Variants in MYPN observed in about 807,000 individuals in gnomAD.
MYPN encodes myopalladin, also known as sarcomeric protein myopalladin, 145 kDa (MYOP).
A neutral mutation model predicts 129.4 loss-of-function variants in MYPN; 63 were observed. That is an observed-to-expected ratio of 0.49 (90% CI 0.40 to 0.60). The LOEUF is 0.60. MYPN is among the 20% of genes least tolerant of loss of function. The probability of loss-of-function intolerance (pLI) is 0.00; values close to 1 mark genes in which losing one functional copy is unlikely to be tolerated. For synonymous variants in MYPN, 629 were observed against 600.9 expected (o/e 1.05, Z -0.68); for missense variants, 1,596 against 1,635.4 (o/e 0.98, Z 0.42).
At chr10:68,200,804 C>G (rs1412920391) in intron 17 of MYPN, among the ~76,000 whole-genome samples, 1 of 151,998 alleles carries the variant, frequency 6.6e-6, no homozygotes, top group Non-Finnish European at 1.5e-5. Flanking sequence ...GCATGCTAAT[C>G]CTCTCTCTAG....
intron 4 of MYPN, among the ~76,000 whole-genome samples, chr10:68,146,878 T>C (rs2042675238): frequency 6.6e-6 from 1 of 152,230 alleles, no homozygotes; most frequent in African/African-American, 2.4e-5. Flanking sequence ...GGAGCAATCA[T>C]GTAAAGAAAT....
chr10:68,161,674 A>T lies in MYPN; in HGVS notation c.1460-55A>T, dbSNP rs891409470. On this transcript the variant is annotated intron_variant, in intron 7 of 19. Transcript: ENST00000358913. Reference sequence around the variant, plus strand: ...ATTCTATAGGAAGCTTCTGATGAACATGTAGTTTCTCAGTAAAATAAATGC... The same window carrying T: ...ATTCTATAGGAAGCTTCTGATGAACTTGTAGTTTCTCAGTAAAATAAATGC... 8 of 1,423,606 alleles carry T rather than the reference A, an allele frequency of 5.6e-6. No homozygotes were observed. In the African/African-American group the frequency reaches 1.1e-4, roughly 20 times the overall value. The allele number at this position is 1,423,606 out of a possible 1,614,324, so 88.2% of individuals were successfully genotyped here. A position where few individuals can be genotyped will look rare whatever the true frequency, so the allele number is the denominator to read the frequency against.
At chr10:68,179,124 T>A (rs1391241702) in intron 12 of MYPN, among the ~76,000 whole-genome samples, 1 of 152,204 alleles carries the variant, frequency 6.6e-6, no homozygotes, top group Non-Finnish European at 1.5e-5. Flanking sequence ...TTCTGTCAGT[T>A]CTTCTATTTA....
intron 1 of MYPN, among the ~76,000 whole-genome samples, chr10:68,100,283 G>C (rs776352556): frequency 7.2e-5 from 11 of 152,176 alleles, no homozygotes; most frequent in Non-Finnish European, 1.3e-4. Flanking sequence ...CACTCAGGGA[G>C]CTAAATAATT....
At chr10:68,157,833 A>C (rs2634706) in intron 6 of MYPN, among the ~76,000 whole-genome samples, 96,992 of 148,782 alleles carry the variant, frequency 0.65, 32,263 homozygotes, top group Non-Finnish European at 0.7. Flanking sequence ...GAGAGTGAGA[A>C]CCTGTCTCAG....
chr10:68,168,948 C>T (rs566654013), intron 10 of MYPN, among the ~76,000 whole-genome samples: 8 of 137,946 alleles, frequency 5.8e-5, no homozygotes, highest in African/African-American at 1.4e-4. Context: ...ACCAAGATCG[C>T]GCCACTGCAC....
chr10:68,148,451 T>C lies in MYPN; in HGVS notation c.1229T>C (p.Val410Ala), dbSNP rs199476406. 54 of 1,614,008 alleles carry C rather than the reference T, an allele frequency of 3.3e-5. 2 individuals carry two copies. In the Admixed American group the frequency reaches 8.7e-4, roughly 26 times the overall value. Residue 410 changes from valine to alanine, a missense_variant, in exon 5 of 20, where the codon GTG (valine) becomes GCG (alanine). Transcript: ENST00000358913. ...QAQHLVAQPR[V>A]ATIQQCQSPT... ...CAGCATTTGGTGGCCCAACCTCGTGTGGCAACCATCCAGCAGGTACAAGAA... is the reference window on the plus strand; with the variant it reads ...CAGCATTTGGTGGCCCAACCTCGTGCGGCAACCATCCAGCAGGTACAAGAA...
chr10:68,121,521 G>C lies in MYPN; in HGVS notation c.83G>C (p.Gly28Ala). 10 of 1,614,174 alleles carry C rather than the reference G, an allele frequency of 6.2e-6. No homozygotes were observed. Among genetic ancestry groups the C allele is most frequent in the Non-Finnish European group, 8.5e-6 (10 of 1,180,026 alleles). Residue 28 changes from glycine to alanine, a missense_variant, in exon 2 of 20, where the codon GGA (glycine) becomes GCA (alanine). By Grantham distance (60) the Gly-to-Ala change is moderately conservative. Coordinates refer to ENST00000358913, the MANE Select transcript of MYPN (RefSeq NM_032578.4). ...TATTTAGCTGAAACCAGACATCGGG[G>C]AAACAATGAGAGGAGTCGAGCGGAG... is the stretch of plus-strand genomic sequence containing the variant. ...ESYLAETRHR[G>A]NNERSRAEPS... is the part of the protein sequence containing the mutation.
rs2130097 is a variant in MYPN, at chr10:68,159,665, A to G, written c.1459+1038A>G. On this transcript the variant is annotated intron_variant, in intron 7 of 19. Transcript: ENST00000358913. Reference sequence around the variant, plus strand: ...TGCAACATACTTGCTTTTTAAAAATATGTTTTATTAACTATGTAGAGCAAT... The same window carrying G: ...TGCAACATACTTGCTTTTTAAAAATGTGTTTTATTAACTATGTAGAGCAAT... Among the ~76,000 whole-genome samples the G allele has an allele frequency of 2.0e-5, 3 of 151,160 alleles. No individual in the cohort carries two copies. In the East Asian group the frequency reaches 5.8e-4, roughly 29 times the overall value.
upstream of MYPN, among the ~76,000 whole-genome samples, chr10:68,106,350 G>T (rs1489106762): frequency 6.6e-6 from 1 of 151,802 alleles, no homozygotes; most frequent in East Asian, 1.9e-4. Flanking sequence ...AGATGAAAAA[G>T]AAATTTCTTA....
At chr10:68,154,454 G>A (rs1215773231) in intron 6 of MYPN, among the ~76,000 whole-genome samples, 5 of 152,194 alleles carry the variant, frequency 3.3e-5, no homozygotes, top group Admixed American at 3.3e-4. Flanking sequence ...AAATAACTGG[G>A]CCGGTAGTGG....
chr10:68,101,872 C>T (rs2041983470), upstream of MYPN, among the ~76,000 whole-genome samples: 1 of 151,814 alleles, frequency 6.6e-6, no homozygotes, highest in Non-Finnish European at 1.5e-5. Context: ...TGTTTTTATA[C>T]TTGTTATCCT....
At chr10:68,197,271 G>T in intron 15 of MYPN, 81 bp from the exon 16 acceptor site, 4 of 1,538,258 alleles carry the variant, frequency 2.6e-6, no homozygotes, top group Non-Finnish European at 1.8e-6. Context: ...CTCTAGGTCT[G>T]TAGCCATGCC....
intron 8 of MYPN, 131 bp from the exon 9 acceptor site, chr10:68,165,571 A>G (rs1178365389): frequency 1.4e-5 from 11 of 761,592 alleles, no homozygotes; most frequent in South Asian, 1.2e-4. Flanking sequence ...TGTTTTGACC[A>G]ATTGTTTTCA....
intron 1 of MYPN, among the ~76,000 whole-genome samples, chr10:68,099,449 A>G (rs2041972002): frequency 6.6e-6 from 1 of 152,174 alleles, no homozygotes; most frequent in Admixed American, 6.5e-5. Context: ...AGCCTGGCCA[A>G]CATGGTGACA....
intron 2 of MYPN, chr10:68,136,662 G>A: frequency 1.3e-6 from 2 of 1,534,584 alleles, no homozygotes; most frequent in Non-Finnish European, 1.7e-6. Flanking sequence ...GAGAGTTTGG[G>A]CATTTGAATC....
chr10:68,179,441 A>T (rs1484106873), intron 12 of MYPN, among the ~76,000 whole-genome samples: 2 of 152,182 alleles, frequency 1.3e-5, no homozygotes, highest in African/African-American at 4.8e-5. Context: ...CATGGTGCAG[A>T]GTAGGTGCTC....
Position 68,199,581 on chromosome 10 carries a change from G to T in MYPN, c.3493+6G>T, listed in dbSNP as rs750903219. 19 of 1,582,742 alleles carry T rather than the reference G, an allele frequency of 1.2e-5. No individual in the cohort carries two copies. The highest frequency in any genetic ancestry group is 3.3e-5 in the South Asian group (3 of 89,980). ...TCTGGAGCTCTCTGTAGTAGGTAAG[G>T]TTTGCTGCTGGGACCCCTAAACACA... On this transcript the variant is annotated splice_donor_region_variant and intron_variant, in intron 17 of 19. Coordinates refer to ENST00000358913, the MANE Select transcript of MYPN (RefSeq NM_032578.4).
chr10:68,175,407 G>A lies in MYPN; in HGVS notation c.2649G>A (p.Val883=). 6.2e-7 allele frequency: 1 copy of A among 1,614,148 alleles called. No homozygotes were observed. Among genetic ancestry groups the A allele is most frequent in the Non-Finnish European group, 8.5e-7 (1 of 1,179,996 alleles). ...ACATTCGTGAAACTAAGAACGCAGTGATTCGAGACTTGGGGAAAAAAATAA... is the reference window on the plus strand; with the variant it reads ...ACATTCGTGAAACTAAGAACGCAGTAATTCGAGACTTGGGGAAAAAAATAA... ...DDNIRETKNA[V]IRDLGKKITF... is the part of the protein sequence containing the mutation. The change falls in exon 12 of 20, where the codon GTG becomes GTA. Residue 883 remains valine, a synonymous_variant. Coordinates refer to ENST00000358913, the MANE Select transcript of MYPN (RefSeq NM_032578.4).
Sources: gnomAD v4.1 joint callset for allele counts (sites outside exome capture counted in the v4.1 genomes callset) on GRCh38, gnomAD v4.1.1 for gene constraint, MANE v1.5 for transcripts, NCBI Gene and HGNC (gene_info 2026-07-23, HGNC 2026-07-21) for gene names.